DNAJC13: variants seen among roughly 807,000 people sequenced by gnomAD.
DNAJC13 encodes DnaJ heat shock protein family (Hsp40) member C13.
In DNAJC13, 75 loss-of-function variants were observed where a neutral mutation model predicts 290.5. That is an observed-to-expected ratio of 0.26 (90% CI 0.21 to 0.31). The LOEUF (loss-of-function observed/expected upper bound fraction) is 0.31. Ranked by LOEUF, DNAJC13 falls within the 10% of genes least tolerant of loss-of-function variation. The pLI, the probability that DNAJC13 is intolerant of heterozygous loss-of-function variation, is 1.00. For missense variants in DNAJC13, 2,260 were observed against 2,674.5 expected, an observed-to-expected ratio of 0.85 and a Z score of 3.42; for synonymous variants, 862 against 892.0, an observed-to-expected ratio of 0.97 and a Z score of 0.60.
At chr3:132,423,281 A>T (rs1234590621) in intron 1 of DNAJC13, among the ~76,000 whole-genome samples, 2 of 152,100 alleles carry the variant, frequency 1.3e-5, no homozygotes, top group Non-Finnish European at 2.9e-5. Flanking sequence ...CCTGTCTCTT[A>T]AAAAAAATTA....
chr3:132,516,960 G>A (rs2107737825), intron 48 of DNAJC13, 144 bp downstream of exon 48: 9 of 705,032 alleles, frequency 1.3e-5, no homozygotes, highest in Non-Finnish European at 2.1e-5. Flanking sequence ...CACATTCCGG[G>A]AATTGTTCCT....
In DNAJC13 at chr3:132,478,087, G is replaced by A. The variant is rs544291506; in HGVS notation, c.2656G>A (p.Glu886Lys). 67 of 1,613,388 alleles carry A rather than the reference G, an allele frequency of 4.2e-5. No individual in the cohort carries two copies. In the South Asian group the frequency reaches 4.7e-4, roughly 11 times the overall value. ...TGCTATTGTTTATGGCAGATGTCAC[G>A]AAGAAATAGGACCTTTTACAGATAC... ...ALAIVYGRCHEEIGPFTDTRY... is the reference protein window; with the variant it reads ...ALAIVYGRCHKEIGPFTDTRY... Residue 886 changes from glutamate to lysine, a missense_variant, in exon 24 of 56, where the codon GAA becomes AAA. Physicochemically the swap from Glu to Lys is moderately conservative, Grantham distance 56. This residue lies in a region of DNAJC13 where 1,494 missense variants were observed against 1,693.7 expected (regional missense o/e 0.88). Coordinates refer to ENST00000260818, the MANE Select transcript of DNAJC13 (RefSeq NM_015268.4).
At position 132,492,588 on chromosome 3, in the gene DNAJC13, G is replaced by C; in HGVS notation, c.3798G>C (p.Arg1266=). 2.5e-6 allele frequency: 4 copies of C among 1,613,484 alleles called. No individual in the cohort carries two copies. The highest frequency in any genetic ancestry group is 3.4e-6 in the Non-Finnish European group (4 of 1,179,684). Residue 1266 remains arginine (R), a synonymous_variant, in exon 33 of 56, where the codon CGG becomes CGC. Transcript: ENST00000260818. ...TCAAACAACTGTGTGATACACTCCG[G>C]TTTCCAGATTGGCCAATTAAAGACC... ...YYLKQLCDTL[R]FPDWPIKDPV...
chr3:132,418,139 C>T (rs1381749058), intron 1 of DNAJC13, among the ~76,000 whole-genome samples: 1 of 152,214 alleles, frequency 6.6e-6, no homozygotes, highest in African/African-American at 2.4e-5. Flanking sequence ...CTGCTGGATG[C>T]CGGCAACTCT....
At chr3:132,467,422 G>A in intron 20 of DNAJC13, 109 bp downstream of exon 20, 1 of 1,078,544 alleles carries the variant, frequency 9.3e-7, no homozygotes, top group Non-Finnish European at 1.3e-6. Flanking sequence ...CTGAATACCT[G>A]AAGCTTAAAA....
At chr3:132,449,920 C>A (rs138795214) in intron 5 of DNAJC13, among the ~76,000 whole-genome samples, 1 of 151,984 alleles carries the variant, frequency 6.6e-6, no homozygotes, top group Non-Finnish European at 1.5e-5. Flanking sequence ...TTTCTTCTTC[C>A]GTATCGCATC....
intron 28 of DNAJC13, among the ~76,000 whole-genome samples, chr3:132,483,807 GACTT>G (rs1250330338): frequency 1.3e-5 from 2 of 152,150 alleles, no homozygotes; most frequent in Admixed American, 1.3e-4. Flanking sequence ...ACAAAACTGA[GACTT>G]ACAATAGTAA....
At chr3:132,515,466 G>A (rs1434142510) in intron 46 of DNAJC13, among the ~76,000 whole-genome samples, 1 of 151,732 alleles carries the variant, frequency 6.6e-6, no homozygotes, top group African/African-American at 2.4e-5. Flanking sequence ...TACATGATAT[G>A]CTTGAAACAG....
At chr3:132,485,549 T>C (rs1337469743) in intron 29 of DNAJC13, among the ~76,000 whole-genome samples, 1 of 152,226 alleles carries the variant, frequency 6.6e-6, no homozygotes, top group Non-Finnish European at 1.5e-5. Flanking sequence ...TTACCTATTT[T>C]TAAAATCACA....
At chr3:132,461,753 G>A (rs932935757) in intron 15 of DNAJC13, among the ~76,000 whole-genome samples, 4 of 152,118 alleles carry the variant, frequency 2.6e-5, no homozygotes, top group Non-Finnish European at 5.9e-5. Flanking sequence ...GTGCGGTGAT[G>A]CAATCACAGC....
chr3:132,469,243 C>T (rs1388687580), intron 20 of DNAJC13, among the ~76,000 whole-genome samples: 1 of 152,170 alleles, frequency 6.6e-6, no homozygotes, highest in Non-Finnish European at 1.5e-5. Flanking sequence ...ACACTAACAT[C>T]AAAGTTTGGA....
intron 42 of DNAJC13, among the ~76,000 whole-genome samples, 170 bp from the exon 43 acceptor site, chr3:132,507,067 A>T (rs185778424): frequency 6.6e-6 from 1 of 152,332 alleles, no homozygotes; most frequent in East Asian, 1.9e-4. Flanking sequence ...AAAAAATTAT[A>T]ATGTAATTGT....
chr3:132,463,816 A>G lies in DNAJC13; in HGVS notation c.1891A>G (p.Arg631Gly). ...CTCAGATCAAAGGATGCTTACAAAT[A>G]GGTAGGTGATTTAATTCAATTTGCT... ...ISSDQRMLTN[R>G]QLSRHLVGLW... The change falls in exon 17 of 56, where the codon AGA becomes GGA. Residue 631 changes from arginine to glycine, a missense_variant and splice_region_variant. This residue lies in a region of DNAJC13 where 762 missense variants were observed against 964.1 expected (regional missense o/e 0.79). Transcript: ENST00000260818. 2 of 1,605,410 alleles carry G rather than the reference A, an allele frequency of 1.2e-6. No homozygotes were observed. Among genetic ancestry groups the G allele is most frequent in the Non-Finnish European group, 1.7e-6 (2 of 1,176,350 alleles).
At position 132,500,730 on chromosome 3, in the gene DNAJC13, T is replaced by C. The variant is rs978832686; in HGVS notation, c.4417-64T>C. 1.5e-5 allele frequency: 24 copies of C among 1,596,398 alleles called. No homozygotes were observed. The Admixed American group carries it at 3.6e-4, about 24-fold the overall frequency. ...CAAATTTCTGCTGGTTTGATTTCTATGTGTTAAATAAGGAATGCCTATGTG... is the reference window on the plus strand; with the variant it reads ...CAAATTTCTGCTGGTTTGATTTCTACGTGTTAAATAAGGAATGCCTATGTG... On this transcript the variant is annotated intron_variant, in intron 38 of 55. Coordinates refer to ENST00000260818, the MANE Select transcript of DNAJC13 (RefSeq NM_015268.4).
At chr3:132,516,957 C>T (rs1309055922) in intron 48 of DNAJC13, 141 bp downstream of exon 48, 17 of 706,812 alleles carry the variant, frequency 2.4e-5, no homozygotes, top group Non-Finnish European at 2.8e-5. Context: ...ATTCACATTC[C>T]GGGAATTGTT....
intron 38 of DNAJC13, 35 bp from the exon 39 acceptor site, chr3:132,500,759 C>T (rs369915861): frequency 1.2e-6 from 2 of 1,611,230 alleles, no homozygotes; most frequent in Admixed American, 1.7e-5. Context: ...CTATGTGACT[C>T]TACTGGTTTT....
Position 132,522,880 on chromosome 3 carries a change from G to C in DNAJC13, c.5726G>C (p.Arg1909Thr). The change falls in exon 49 of 56, where the codon AGA becomes ACA. Residue 1909 changes from arginine to threonine, a missense_variant. Coordinates refer to ENST00000260818, the MANE Select transcript of DNAJC13 (RefSeq NM_015268.4). The part of the protein sequence containing the change: ...FLPSVFMDAM[R>T]DNPEAAVHIF... ...CCAAGCGTTTTCATGGATGCTATGAGAGACAATCCTGAAGCTGCTGTACAT... is the reference window on the plus strand; with the variant it reads ...CCAAGCGTTTTCATGGATGCTATGACAGACAATCCTGAAGCTGCTGTACAT... The C allele has an allele frequency of 6.2e-7, 1 of 1,613,364 alleles. No homozygotes were observed. Among genetic ancestry groups the C allele is most frequent in the Non-Finnish European group, 8.5e-7 (1 of 1,179,720 alleles).
Position 132,477,742 on chromosome 3 carries a change from A to G in DNAJC13, c.2446-47A>G, listed in dbSNP as rs749599385. 1.4e-5 allele frequency: 21 copies of G among 1,453,078 alleles called. 1 individual carries two copies. The highest frequency in any genetic ancestry group is 1.3e-4 in the African/African-American group (9 of 69,926). 90.0% of individuals were successfully genotyped at this position (1,453,078 alleles called of 1,614,324 possible). On this transcript the variant is annotated intron_variant, in intron 22 of 55. Transcript: ENST00000260818. ...AAGAAACAATTATTAGAAATTGCCA[A>G]AATCTATTGTAAACTAAAATAGTGT...
At chr3:132,460,380 T>A (rs777966307) in intron 14 of DNAJC13, 23 bp downstream of exon 14, 65 of 1,511,710 alleles carry the variant, frequency 4.3e-5, no homozygotes, top group Non-Finnish European at 5.9e-5. Flanking sequence ...TAAATTTGTC[T>A]TCATGGTAGA....
Sources: allele counts gnomAD v4.1 joint callset (sites outside exome capture counted in the v4.1 genomes callset), GRCh38; gene constraint gnomAD v4.1.1; regional missense constraint gnomAD v4.1.1; transcripts MANE v1.5; gene names NCBI Gene and HGNC (gene_info 2026-07-23, HGNC 2026-07-21).